The following PATJ variants were observed in gnomAD, a reference collection of about 807,000 sequenced individuals.
PATJ encodes PATJ crumbs cell polarity complex component.
In PATJ, 190 loss-of-function variants were observed where a neutral mutation model predicts 224.9. The ratio of observed to expected loss-of-function variants is 0.84; its 90% CI spans 0.75 to 0.95. The LOEUF (loss-of-function observed/expected upper bound fraction) is 0.95. Ranked by LOEUF, PATJ falls within the 40% of genes least tolerant of loss-of-function variation. The pLI, the probability that PATJ is intolerant of heterozygous loss-of-function variation, is 0.00. For synonymous variants in PATJ, 769 were observed against 820.3 expected, an observed-to-expected ratio of 0.94 and a Z score of 1.07; for missense variants, 2,121 against 2,270.3, an observed-to-expected ratio of 0.93 and a Z score of 1.34.
At chr1:61,887,261 C>T (rs935054442) in intron 22 of PATJ, among the ~76,000 whole-genome samples, 3 of 151,992 alleles carry the variant, frequency 2.0e-5, no homozygotes, top group Non-Finnish European at 4.4e-5. Context: ...TAGGAGGAAG[C>T]TCACCTCCTC....
chr1:62,145,030 G>C (rs987148197), intron 41 of PATJ, among the ~76,000 whole-genome samples: 1 of 151,916 alleles, frequency 6.6e-6, no homozygotes, highest in African/African-American at 2.4e-5. Context: ...ACCCAGGCTG[G>C]TCTTGAACTC....
intron 39 of PATJ, among the ~76,000 whole-genome samples, chr1:62,126,794 G>C (rs1665763215): frequency 6.6e-6 from 1 of 152,168 alleles, no homozygotes; most frequent in Admixed American, 6.5e-5. Flanking sequence ...TGCCAAGTCT[G>C]CATCGGAATT....
chr1:61,818,515 G>A (rs537388195), intron 14 of PATJ, among the ~76,000 whole-genome samples: 2 of 152,328 alleles, frequency 1.3e-5, no homozygotes, highest in South Asian at 4.1e-4. Flanking sequence ...ATGCAGCTGG[G>A]ACAGGTAATT....
intron 7 of PATJ, among the ~76,000 whole-genome samples, chr1:61,786,932 G>T (rs1648673932): frequency 6.6e-6 from 1 of 152,132 alleles, no homozygotes; most frequent in Non-Finnish European, 1.5e-5. Context: ...GTTGCAGTGA[G>T]CTGAGATCAT....
chr1:62,065,517 C>T (rs1274637052), intron 31 of PATJ, among the ~76,000 whole-genome samples: 1 of 152,112 alleles, frequency 6.6e-6, no homozygotes, highest in Non-Finnish European at 1.5e-5. Flanking sequence ...GAGGCTGAGG[C>T]AAATCGCTTG....
chr1:61,996,588 A>G (rs994867980), intron 28 of PATJ, among the ~76,000 whole-genome samples: 2 of 152,184 alleles, frequency 1.3e-5, no homozygotes, highest in Non-Finnish European at 2.9e-5. Context: ...TAATGAAATA[A>G]CTATGCCCTC....
intron 1 of PATJ, among the ~76,000 whole-genome samples, chr1:61,751,904 C>T (rs934350273): frequency 4.0e-5 from 6 of 151,898 alleles, no homozygotes; most frequent in African/African-American, 1.5e-4. Context: ...TTTGGGAGGC[C>T]GAGGCGGGTG....
At position 61,763,048 on chromosome 1, in the gene PATJ, A is replaced by G. The variant is rs775987135; in HGVS notation, c.58A>G (p.Lys20Glu). The G allele has an allele frequency of 7.4e-6, 12 of 1,611,122 alleles. No homozygotes were observed. The highest frequency in any genetic ancestry group is 1.0e-5 in the Non-Finnish European group (12 of 1,178,298). The change falls in exon 3 of 44, where the codon AAA becomes GAA. Residue 20 changes from lysine (K) to glutamate (E), a missense_variant. Lys to Glu is a moderately conservative substitution (Grantham distance 56). Transcript: ENST00000642238. ...LQVLQVLDRL[K>E]MKLQEKGDTS... ...GGTGCTGCAGGTACTTGATCGCCTG[A>G]AAATGAAATTGCAGGAGAAGGGTGA...
chr1:61,918,856 G>C (rs929507940), intron 26 of PATJ, among the ~76,000 whole-genome samples: 2 of 152,022 alleles, frequency 1.3e-5, no homozygotes, highest in African/African-American at 4.8e-5. Context: ...CCAGCTACTT[G>C]GGAGGCTGAG....
At chr1:61,884,693 T>G (rs1295655174) in intron 22 of PATJ, among the ~76,000 whole-genome samples, 1 of 152,078 alleles carries the variant, frequency 6.6e-6, no homozygotes, top group African/African-American at 2.4e-5. Flanking sequence ...CAGATGCACT[T>G]GAGGACAAAT....
At chr1:62,132,479 C>T (rs1391880081) in intron 41 of PATJ, among the ~76,000 whole-genome samples, 1 of 151,770 alleles carries the variant, frequency 6.6e-6, no homozygotes, top group Non-Finnish European at 1.5e-5. Flanking sequence ...GCCTGGGCAA[C>T]GTGAATATGG....
chr1:61,933,148 A>T (rs1423275464), intron 27 of PATJ, among the ~76,000 whole-genome samples: 1 of 152,186 alleles, frequency 6.6e-6, no homozygotes, highest in Non-Finnish European at 1.5e-5. Flanking sequence ...GTACTGCATC[A>T]ATGCGTAGCT....
chr1:61,912,227 G>A (rs1394488475), intron 25 of PATJ, among the ~76,000 whole-genome samples: 1 of 152,082 alleles, frequency 6.6e-6, no homozygotes, highest in Non-Finnish European at 1.5e-5. Context: ...CCTGAAAGGT[G>A]GAGTCTCATT....
intron 21 of PATJ, among the ~76,000 whole-genome samples, chr1:61,881,025 C>A (rs1317211378): frequency 6.6e-6 from 1 of 152,124 alleles, no homozygotes; most frequent in Non-Finnish European, 1.5e-5. Context: ...ACCTGGGAGG[C>A]GGAGGTTGCA....
chr1:61,967,197 T>C (rs1682297781), intron 27 of PATJ, among the ~76,000 whole-genome samples: 1 of 152,232 alleles, frequency 6.6e-6, no homozygotes, highest in African/African-American at 2.4e-5. Flanking sequence ...TTTCTCATTC[T>C]TTGTAAGATT....
intron 27 of PATJ, among the ~76,000 whole-genome samples, chr1:61,981,258 G>T (rs1002588240): frequency 6.6e-6 from 1 of 151,824 alleles, no homozygotes; most frequent in Non-Finnish European, 1.5e-5. Flanking sequence ...TGTAGTTTAC[G>T]AACCTAGTGG....
chr1:61,936,978 A>G (rs1043571437), intron 27 of PATJ, among the ~76,000 whole-genome samples: 2 of 152,218 alleles, frequency 1.3e-5, no homozygotes, highest in African/African-American at 4.8e-5. Context: ...GGAAATATCC[A>G]GGAACAATGC....
intron 17 of PATJ, among the ~76,000 whole-genome samples, chr1:61,840,771 T>G (rs954250757): frequency 1.3e-5 from 2 of 152,106 alleles, no homozygotes; most frequent in Admixed American, 6.5e-5. Flanking sequence ...AGGTAGGTGA[T>G]AAATTCCTAG....
At chr1:61,906,391 T>G (rs1557856068) in intron 24 of PATJ, among the ~76,000 whole-genome samples, 1 of 152,168 alleles carries the variant, frequency 6.6e-6, no homozygotes, top group Non-Finnish European at 1.5e-5. Context: ...GTCTTTGTGG[T>G]GACTGGCCCC....
Sources: allele counts gnomAD v4.1 joint callset (sites outside exome capture counted in the v4.1 genomes callset), GRCh38; gene constraint gnomAD v4.1.1; transcripts MANE v1.5; gene names NCBI Gene and HGNC (gene_info 2026-07-23, HGNC 2026-07-21).